The following MYO3B variants were observed in gnomAD, a reference collection of about 807,000 sequenced individuals.
MYO3B encodes the protein myosin-IIIb.
In MYO3B, 156 loss-of-function variants were observed where a neutral mutation model predicts 174.6. The ratio of observed to expected loss-of-function variants is 0.89; its 90% CI spans 0.78 to 1.02. The LOEUF (loss-of-function observed/expected upper bound fraction) is 1.02. Ranked by LOEUF, MYO3B falls within the 50% of genes least tolerant of loss-of-function variation. The pLI, the probability that MYO3B is intolerant of heterozygous loss-of-function variation, is 0.00. For missense variants in MYO3B, 1,632 were observed against 1,639.4 expected (o/e 1.00, Z 0.08); for synonymous variants, 563 against 569.1 (o/e 0.99, Z 0.15).
intron 32 of MYO3B, among the ~76,000 whole-genome samples, chr2:170,632,093 G>A (rs1358584400): frequency 4.6e-5 from 7 of 152,014 alleles, no homozygotes; most frequent in East Asian, 3.8e-4. Flanking sequence ...AGATTAACAC[G>A]GATATCCAGG....
chr2:170,443,153 C>G (rs1479271190), intron 22 of MYO3B, among the ~76,000 whole-genome samples: 17 of 152,172 alleles, frequency 1.1e-4, no homozygotes, highest in Non-Finnish European at 2.5e-4. Context: ...CTCTCCAGCA[C>G]CTGTTGTTTC....
chr2:170,520,805 G>A (rs1267279290), intron 30 of MYO3B, among the ~76,000 whole-genome samples: 2 of 152,128 alleles, frequency 1.3e-5, no homozygotes, highest in African/African-American at 4.8e-5. Context: ...GACACAAACA[G>A]CTCCTAGGCC....
intron 7 of MYO3B, among the ~76,000 whole-genome samples, chr2:170,309,717 A>G (rs1407296499): frequency 7.3e-6 from 1 of 136,476 alleles, no homozygotes; most frequent in Non-Finnish European, 1.5e-5. Context: ...TTCTGTAGAC[A>G]TCTTTTTTTT....
chr2:170,357,594 A>G (rs1297698703), intron 8 of MYO3B, among the ~76,000 whole-genome samples: 1 of 151,434 alleles, frequency 6.6e-6, no homozygotes, highest in African/African-American at 2.4e-5. Flanking sequence ...ATCTTTCCTT[A>G]TCACATATAC....
At chr2:170,226,610 C>T (rs2092954676) in intron 6 of MYO3B, among the ~76,000 whole-genome samples, 1 of 152,142 alleles carries the variant, frequency 6.6e-6, no homozygotes, top group South Asian at 2.1e-4. Context: ...TGTCATATGT[C>T]AGTGTGGAGG....
intron 8 of MYO3B, among the ~76,000 whole-genome samples, chr2:170,362,625 C>T (rs1403073647): frequency 1.3e-5 from 2 of 152,154 alleles, no homozygotes; most frequent in African/African-American, 2.4e-5. Context: ...TAACCATAGA[C>T]CTGCCTAACT....
intron 8 of MYO3B, among the ~76,000 whole-genome samples, chr2:170,347,053 T>C (rs564277884): frequency 1.2e-4 from 18 of 152,180 alleles, no homozygotes; most frequent in Non-Finnish European, 2.2e-4. Context: ...TGAAAGCAAA[T>C]TGGCATATGT....
intron 28 of MYO3B, among the ~76,000 whole-genome samples, chr2:170,503,095 A>G (rs1249040670): frequency 6.6e-6 from 1 of 152,176 alleles, no homozygotes; most frequent in East Asian, 1.9e-4. Context: ...ACACGCACAC[A>G]ATCTCTCATT....
chr2:170,378,689 T>A (rs1046451535), intron 9 of MYO3B, among the ~76,000 whole-genome samples: 2 of 152,220 alleles, frequency 1.3e-5, no homozygotes, highest in Admixed American at 1.3e-4. Flanking sequence ...TTGCATTGTG[T>A]ATATTCACAC....
chr2:170,521,247 A>C (rs1688652201), intron 30 of MYO3B, among the ~76,000 whole-genome samples: 1 of 152,180 alleles, frequency 6.6e-6, no homozygotes, highest in Non-Finnish European at 1.5e-5. Context: ...ACTTGCTTAA[A>C]AAGTCAGAAT....
intron 32 of MYO3B, among the ~76,000 whole-genome samples, chr2:170,626,421 C>A (rs774781398): frequency 2.6e-5 from 4 of 152,128 alleles, no homozygotes; most frequent in Non-Finnish European, 5.9e-5. Flanking sequence ...TGTCTCCATC[C>A]CTTTATTTTG....
chr2:170,520,157 C>A (rs575743718), intron 30 of MYO3B, among the ~76,000 whole-genome samples: 2 of 152,170 alleles, frequency 1.3e-5, no homozygotes, highest in East Asian at 3.9e-4. Context: ...TTGTTTGTCA[C>A]AACTTTGGAG....
chr2:170,223,379 T>A (rs1182240693), intron 6 of MYO3B, among the ~76,000 whole-genome samples: 2 of 152,220 alleles, frequency 1.3e-5, no homozygotes, highest in Non-Finnish European at 2.9e-5. Flanking sequence ...ATCCCACATT[T>A]GCGTAGAATT....
At chr2:170,516,359 G>C (rs1688307544) in intron 29 of MYO3B, among the ~76,000 whole-genome samples, 1 of 151,758 alleles carries the variant, frequency 6.6e-6, no homozygotes, top group Non-Finnish European at 1.5e-5. Flanking sequence ...TAGTCTGATA[G>C]AGATGGGCGC....
At chr2:170,351,845 A>G (rs1475045040) in intron 8 of MYO3B, among the ~76,000 whole-genome samples, 1 of 152,230 alleles carries the variant, frequency 6.6e-6, no homozygotes, top group African/African-American at 2.4e-5. Flanking sequence ...TAAGAAGGAA[A>G]ACAATTTGGG....
intron 25 of MYO3B, among the ~76,000 whole-genome samples, chr2:170,489,178 A>G (rs1686268302): frequency 6.6e-6 from 1 of 152,198 alleles, no homozygotes; most frequent in Admixed American, 6.5e-5. Context: ...ACCTTGGGCC[A>G]ATTGCCTTCT....
chr2:170,535,381 T>A (rs996909346), intron 30 of MYO3B, among the ~76,000 whole-genome samples: 1 of 152,134 alleles, frequency 6.6e-6, no homozygotes. Flanking sequence ...TTAGTAATAG[T>A]CCATAGACAC....
chr2:170,407,498 C>G (rs2094517539), intron 21 of MYO3B, among the ~76,000 whole-genome samples: 1 of 150,658 alleles, frequency 6.6e-6, no homozygotes, highest in Non-Finnish European at 1.5e-5. Flanking sequence ...AAAGAAAACC[C>G]ATAAAAAACA....
chr2:170,405,767 ATTC>A, intron 21 of MYO3B, 134 bp downstream of exon 21: 1 of 751,420 alleles, frequency 1.3e-6, no homozygotes, highest in Non-Finnish European at 2.1e-6. Flanking sequence ...CCTAATCATA[ATTC>A]TTAAAGTTTC....
Sources: allele counts gnomAD v4.1 joint callset (sites outside exome capture counted in the v4.1 genomes callset), GRCh38; gene constraint gnomAD v4.1.1; transcripts MANE v1.5; gene names NCBI Gene and HGNC (gene_info 2026-07-23, HGNC 2026-07-21).